The following FBN2 variants were observed in gnomAD, a reference collection of about 807,000 sequenced individuals.
The protein encoded by FBN2 is fibrillin-2.
Under a neutral mutation model 355.6 loss-of-function variants are expected in FBN2, and 105 were observed. That is an observed-to-expected ratio of 0.30 (90% CI 0.25 to 0.35). FBN2 has a LOEUF of 0.35. Ranked by LOEUF, FBN2 falls within the 10% of genes least tolerant of loss-of-function variation. The pLI, the probability that FBN2 is intolerant of heterozygous loss-of-function variation, is 1.00. For missense variants in FBN2, 3,280 were observed against 3,758.7 expected (o/e 0.87, Z 3.33); for synonymous variants, 1,350 against 1,301.2 (o/e 1.04, Z -0.81).
At chr5:128,440,055 T>C (rs1753877809) in intron 7 of FBN2, among the ~76,000 whole-genome samples, 1 of 152,200 alleles carries the variant, frequency 6.6e-6, no homozygotes, top group Non-Finnish European at 1.5e-5. Context: ...ATTTCAACTT[T>C]TACTGAAATT....
intron 23 of FBN2, 46 bp downstream of exon 23, chr5:128,349,301 T>A: frequency 6.2e-7 from 1 of 1,612,546 alleles, no homozygotes. Flanking sequence ...ACAAGGAAAT[T>A]CATGGCTTGT....
chr5:128,481,507 G>A (rs1025047269), intron 5 of FBN2, among the ~76,000 whole-genome samples: 2 of 152,116 alleles, frequency 1.3e-5, no homozygotes, highest in African/African-American at 4.8e-5. Context: ...TATGGGAGAG[G>A]CTCTGAATGC....
At chr5:128,519,424 A>T (rs772151404) in intron 4 of FBN2, 56 bp from the exon 5 acceptor site, 5 of 1,261,326 alleles carry the variant, frequency 4.0e-6, no homozygotes, top group Non-Finnish European at 4.6e-6. Flanking sequence ...AGCACAATAT[A>T]GTAGTGCAGT....
At position 128,537,387 on chromosome 5, in the gene FBN2, G is replaced by T. The variant is rs148493036; in HGVS notation, c.217C>A (p.Arg73Ser). 4.1e-5 allele frequency: 66 copies of T among 1,610,264 alleles called. No homozygotes were observed. In the African/African-American group the frequency reaches 7.6e-4, roughly 19 times the overall value. Reference protein sequence around the residue: ...YREEGAAVASRVRRRGQQDVL... With the variant: ...YREEGAAVASSVRRRGQQDVL... ...TCCTGCTGTCCTCGCCGGCGGACGC[G>T]GCTGGCCACTGCGGCACCCTCCTCG... is the stretch of plus-strand genomic sequence containing the variant. Residue 73 changes from arginine (R) to serine (S), a missense_variant, in exon 1 of 65, where the codon CGC (arginine) becomes AGC (serine). Physicochemically the swap from Arg to Ser is moderately radical, Grantham distance 110. Transcript: ENST00000262464.
chr5:128,514,874 T>C, intron 5 of FBN2, among the ~76,000 whole-genome samples: 1 of 152,196 alleles, frequency 6.6e-6, no homozygotes, highest in Non-Finnish European at 1.5e-5. Flanking sequence ...TGGAACTTAT[T>C]TTCTTAAAAA....
At position 128,332,219 on chromosome 5, in the gene FBN2, T is replaced by A. The variant is rs182927235; in HGVS notation, c.4222+693A>T. 4.6e-5 allele frequency among the ~76,000 whole-genome samples: 7 copies of A among 152,294 alleles called. No individual in the cohort carries two copies. The East Asian group carries it at 1.4e-3, about 29-fold the overall frequency. On this transcript the variant is annotated intron_variant, in intron 32 of 64. Coordinates refer to ENST00000262464, the MANE Select transcript of FBN2 (RefSeq NM_001999.4). ...TTGTAAGTTATCAGGGGGAAGTGAG[T>A]TTAGCTTGCTTTCTTTTCTGTTTTA...
intron 5 of FBN2, among the ~76,000 whole-genome samples, chr5:128,475,754 GAACA>G: frequency 6.6e-6 from 1 of 152,212 alleles, no homozygotes; most frequent in East Asian, 1.9e-4. Flanking sequence ...TTTCCAGAAA[GAACA>G]GTCTACCTAC....
chr5:128,383,323 A>T (rs1162751698), intron 11 of FBN2, among the ~76,000 whole-genome samples: 1 of 152,144 alleles, frequency 6.6e-6, no homozygotes, highest in Non-Finnish European at 1.5e-5. Context: ...TATTAAAAAA[A>T]ATGAATTCAA....
chr5:128,344,825 C>G (rs915137117), intron 24 of FBN2, among the ~76,000 whole-genome samples: 4 of 151,958 alleles, frequency 2.6e-5, no homozygotes, highest in Non-Finnish European at 5.9e-5. Context: ...CTCAGCCTCC[C>G]GAGTAGCTGA....
At chr5:128,536,859 T>C (rs1756860173) in intron 1 of FBN2, among the ~76,000 whole-genome samples, 2 of 152,160 alleles carry the variant, frequency 1.3e-5, no homozygotes, top group Admixed American at 6.5e-5. Context: ...TGGTCAACTG[T>C]TACTTTGGCC....
rs191944072 is a variant in FBN2 at position 128,499,669 on chromosome 5, A to G, written c.628+19604T>C. ...TCTTATGACCAAGCAAGATGAGTAA[A>G]CACTGATCTAGCCCAATGTCCTCAT... On this transcript the variant is annotated intron_variant, in intron 5 of 64. Coordinates refer to ENST00000262464, the MANE Select transcript of FBN2 (RefSeq NM_001999.4). Among the ~76,000 whole-genome samples, 510 of 152,340 alleles carry G rather than the reference A, an allele frequency of 3.3e-3. 12 individuals carry two copies. Among genetic ancestry groups the G allele is most frequent in the Admixed American group, 0.03 (453 of 15,306 alleles).
rs766739763 is a variant in FBN2, at chr5:128,307,149, G to C, written c.5408C>G (p.Thr1803Arg). Residue 1803 changes from threonine (T) to arginine (R), a missense_variant, in exon 42 of 65, where the codon ACA becomes AGA. Transcript: ENST00000262464. ...NIPGFTFDIH[T>R]GKAVDIDECK... The stretch of plus-strand genomic sequence containing the variant: ...GAAAAACTCACCAACAGCTTTTCCT[G>C]TGTGAATGTCAAAGGTGAATCCAGG... The C allele has an allele frequency of 6.2e-7, 1 of 1,608,400 alleles. No homozygotes were observed. Among genetic ancestry groups the C allele is most frequent in the Non-Finnish European group, 8.5e-7 (1 of 1,175,086 alleles).
At chr5:128,363,693 A>T (rs894282926) in intron 18 of FBN2, among the ~76,000 whole-genome samples, 4 of 152,170 alleles carry the variant, frequency 2.6e-5, no homozygotes, top group African/African-American at 9.7e-5. Context: ...AAAAGGGGAA[A>T]TCTGGATTTC....
intron 5 of FBN2, among the ~76,000 whole-genome samples, chr5:128,469,602 A>G (rs1194119111): frequency 6.6e-6 from 1 of 151,964 alleles, no homozygotes; most frequent in African/African-American, 2.4e-5. Context: ...TTTGTATTCT[A>G]AAGTGTTAAG....
At chr5:128,447,189 T>C (rs1403720957) in intron 6 of FBN2, among the ~76,000 whole-genome samples, 3 of 152,160 alleles carry the variant, frequency 2.0e-5, no homozygotes, top group Admixed American at 2.0e-4. Context: ...TCTAGGCACC[T>C]TGAAAAAAGA....
chr5:128,328,643 C>T (rs774337416), intron 34 of FBN2, 53 bp downstream of exon 34: 3 of 1,605,436 alleles, frequency 1.9e-6, no homozygotes, highest in Middle Eastern at 1.7e-4. Context: ...GTTGTGGTTT[C>T]ATTTACTGTG....
chr5:128,471,881 A>G (rs903196738), intron 5 of FBN2, among the ~76,000 whole-genome samples: 2 of 152,222 alleles, frequency 1.3e-5, no homozygotes, highest in African/African-American at 2.4e-5. Flanking sequence ...TGCACGACTG[A>G]AGTACCTAAG....
At chr5:128,361,067 T>C (rs370177716) in intron 19 of FBN2, among the ~76,000 whole-genome samples, 1 of 152,200 alleles carries the variant, frequency 6.6e-6, no homozygotes, top group Non-Finnish European at 1.5e-5. Context: ...GCTCAGCCAG[T>C]ATCTCACTGA....
intron 7 of FBN2, among the ~76,000 whole-genome samples, chr5:128,417,183 T>C (rs1467925441): frequency 6.6e-6 from 1 of 152,210 alleles, no homozygotes; most frequent in African/African-American, 2.4e-5. Flanking sequence ...GAAATGCTAC[T>C]GATTTTGTGC....
Sources: allele counts gnomAD v4.1 joint callset (sites outside exome capture counted in the v4.1 genomes callset), GRCh38; gene constraint gnomAD v4.1.1; transcripts MANE v1.5; gene names NCBI Gene and HGNC (gene_info 2026-07-23, HGNC 2026-07-21).